Variants in GSN observed in about 807,000 individuals in gnomAD.
GSN encodes actin-depolymerizing factor.
GSN carries 56 observed loss-of-function variants against 85.7 expected under a neutral mutation model. The observed-to-expected ratio is 0.65, with a 90% CI of 0.53 to 0.82. The LOEUF (loss-of-function observed/expected upper bound fraction) is 0.82. Among genes scored for constraint, GSN ranks in the 40% least tolerant of loss-of-function variants. The pLI, the probability that GSN is intolerant of heterozygous loss-of-function variation, is 0.00. For missense variants in GSN, 857 were observed against 979.8 expected (o/e 0.87, Z 1.67); for synonymous variants, 373 against 399.1 (o/e 0.93, Z 0.78).
Position 121,317,130 on chromosome 9 carries a change from T to A in GSN, c.798T>A (p.Asp266Glu). The change falls in exon 8 of 18, where the codon GAT (aspartate) becomes GAA (glutamate). Residue 266 changes from aspartate (D) to glutamate (E), a missense_variant. Coordinates refer to ENST00000432226, the MANE Select transcript of GSN (RefSeq NM_198252.3). ...CCATGTCCGTCTCCCTCGTGGCTGA[T>A]GAGAACCCCTTCGCCCAGGGGGCCC... The part of the protein sequence containing the change: ...AGTMSVSLVA[D>E]ENPFAQGALK... 1.2e-6 allele frequency: 2 copies of A among 1,613,812 alleles called. No individual in the cohort carries two copies. The highest frequency in any genetic ancestry group is 8.5e-7 in the Non-Finnish European group (1 of 1,179,690).
In GSN at chr9:121,282,239, C is replaced by T; in HGVS notation, c.-10+677C>T. ...GATGGGTGCCTTGGTCTCCCCCTAC[C>T]CACCTAACAAAGCTGCTGTGTGGAC... On this transcript the variant is annotated intron_variant, in intron 2 of 17. Coordinates refer to ENST00000432226, the MANE Select transcript of GSN (RefSeq NM_198252.3). The T allele has an allele frequency of 5.1e-6, 3 of 587,228 alleles. No individual in the cohort carries two copies. In the South Asian group the frequency reaches 6.1e-5, roughly 12 times the overall value. 36.4% of individuals were successfully genotyped at this position (587,228 alleles called of 1,614,324 possible). A position where few individuals can be genotyped will look rare whatever the true frequency, so the allele number is the denominator to read the frequency against.
chr9:121,286,205 G>T (rs1346650741), intron 2 of GSN: 1 of 1,485,846 alleles, frequency 6.7e-7, no homozygotes, highest in Admixed American at 2.0e-5. Flanking sequence ...ACGGGATCTG[G>T]GGTGGTCCCC....
intron 1 of GSN, among the ~76,000 whole-genome samples, chr9:121,269,847 C>T (rs1392578462): frequency 6.6e-6 from 1 of 152,198 alleles, no homozygotes; most frequent in African/African-American, 2.4e-5. Context: ...GCAGGGTTTG[C>T]CCCGCATGGC....
chr9:121,299,239 C>T lies in GSN; in HGVS notation c.-9-2724C>T, dbSNP rs574850291. ...CCAGGAGCTGAGCGTTCTGCCCCGC[C>T]CCTCTGAGTCCTGCCGGCTTCACCT... On this transcript the variant is annotated intron_variant, in intron 2 of 17. Transcript: ENST00000432226. The surrounding 1 kb of genome is among the most constrained non-coding windows in gnomAD (Gnocchi z 4.2). 96 of 926,576 alleles carry T rather than the reference C, an allele frequency of 1.0e-4. No homozygotes were observed. In the Middle Eastern group the frequency reaches 2.2e-3, roughly 21 times the overall value. The allele number at this position is 926,576 out of a possible 1,614,324, so 57.4% of individuals were successfully genotyped here.
upstream of GSN, among the ~76,000 whole-genome samples, chr9:121,264,207 A>C (rs980462708): frequency 5.3e-5 from 8 of 152,208 alleles, no homozygotes; most frequent in Admixed American, 5.2e-4. Context: ...TAATCCCAGC[A>C]CTTTCAAAGG....
At chr9:121,298,823 G>A (rs2059460354) in intron 2 of GSN, among the ~76,000 whole-genome samples, 1 of 152,126 alleles carries the variant, frequency 6.6e-6, no homozygotes, top group Admixed American at 6.5e-5. Context: ...TGGAGTAGGT[G>A]GGAAGTAGGC....
intron 1 of GSN, among the ~76,000 whole-genome samples, chr9:121,278,051 C>CTT (rs796956623): frequency 2.1e-5 from 3 of 142,440 alleles, no homozygotes; most frequent in Non-Finnish European, 1.5e-5. Context: ...TTTGCATGTT[C>CTT]TTTTTTTTTT....
chr9:121,321,259 C>T lies in GSN; in HGVS notation c.1192-9C>T. On this transcript the variant is annotated splice_polypyrimidine_tract_variant and intron_variant, in intron 10 of 17. Transcript: ENST00000432226. ...TGCACAGCATCTGACTCCAGCTTTG[C>T]TCCTGCAGATCTGGAGAATCGAAGG... The T allele has an allele frequency of 6.2e-7, 1 of 1,613,918 alleles. No homozygotes were observed. The highest frequency in any genetic ancestry group is 8.5e-7 in the Non-Finnish European group (1 of 1,179,950).
chr9:121,237,328 G>T (rs748086881), intron 5 of GSN, among the ~76,000 whole-genome samples: 5 of 152,160 alleles, frequency 3.3e-5, no homozygotes, highest in Non-Finnish European at 7.3e-5. Flanking sequence ...TTGGGAGGCC[G>T]AGGAGGGAGG....
intron 1 of GSN, among the ~76,000 whole-genome samples, chr9:121,279,667 G>C (rs1178471960): frequency 6.6e-6 from 1 of 152,112 alleles, no homozygotes; most frequent in Non-Finnish European, 1.5e-5. Flanking sequence ...GAGATGAGGT[G>C]CAGTAGGGGA....
intron 2 of GSN, among the ~76,000 whole-genome samples, chr9:121,301,638 A>G (rs866796303): frequency 4.7e-5 from 7 of 148,868 alleles, no homozygotes; most frequent in Admixed American, 1.3e-4. Flanking sequence ...AAAAAAAAAA[A>G]AAAAAAGAAA....
At chr9:121,321,608 G>A (rs950905649) in intron 11 of GSN, among the ~76,000 whole-genome samples, 2 of 152,162 alleles carry the variant, frequency 1.3e-5, no homozygotes, top group Admixed American at 6.5e-5. Context: ...TCTATTGTAG[G>A]ATATAGTGAA....
chr9:121,248,414 T>TCCTTCACTTCCCTTC (rs2054746838), intron 6 of GSN: 1 of 152,382 alleles, frequency 6.6e-6, no homozygotes, highest in Non-Finnish European at 1.5e-5. Context: ...TCCCTTCCCT[T>TCCTTCACTTCCCTTC]CCTTCACTTC....
At chr9:121,279,077 C>G (rs2057019050) in intron 1 of GSN, among the ~76,000 whole-genome samples, 2 of 152,174 alleles carry the variant, frequency 1.3e-5, no homozygotes. Context: ...GGGAGGCTGA[C>G]TTGCAAATAG....
In GSN at chr9:121,321,366, C is replaced by T; in HGVS notation, c.1290C>T (p.Arg430=). The part of the protein sequence containing the change: ...GDSYIILYNY[R]HGGRQGQIIY... ...GCTACATCATTCTGTACAACTACCGCCATGGTGGCCGCCAGGGGCAGATAA... is the reference window on the plus strand; with the variant it reads ...GCTACATCATTCTGTACAACTACCGTCATGGTGGCCGCCAGGGGCAGATAA... The change falls in exon 11 of 18, where the codon CGC becomes CGT. Residue 430 remains arginine, a synonymous_variant. Coordinates refer to ENST00000432226, the MANE Select transcript of GSN (RefSeq NM_198252.3). The T allele has an allele frequency of 6.2e-7, 1 of 1,614,090 alleles. No homozygotes were observed. The highest frequency in any genetic ancestry group is 2.2e-5 in the East Asian group (1 of 44,870).
At chr9:121,259,787 G>T (rs1295437499) in intron 6 of GSN, among the ~76,000 whole-genome samples, 1 of 152,234 alleles carries the variant, frequency 6.6e-6, no homozygotes, top group Non-Finnish European at 1.5e-5. Context: ...TGCATCTGCT[G>T]TATTAATATT....
intron 5 of GSN, among the ~76,000 whole-genome samples, chr9:121,242,424 G>C (rs1241300826): frequency 1.3e-5 from 2 of 152,120 alleles, no homozygotes; most frequent in Non-Finnish European, 2.9e-5. Context: ...GTGACTCACA[G>C]AGTTCGGCTG....
chr9:121,330,045 A>G (rs1011064255), intron 16 of GSN, among the ~76,000 whole-genome samples: 8 of 152,208 alleles, frequency 5.3e-5, no homozygotes, highest in African/African-American at 1.9e-4. Context: ...CGGAATCCCC[A>G]GTTGGAAGAT....
intron 2 of GSN, among the ~76,000 whole-genome samples, chr9:121,288,594 G>A (rs2058376791): frequency 1.3e-5 from 2 of 152,136 alleles, no homozygotes; most frequent in African/African-American, 2.4e-5. Flanking sequence ...CTGAAGAAAC[G>A]GGCACTGAGA....
Sources: allele counts gnomAD v4.1 joint callset (sites outside exome capture counted in the v4.1 genomes callset), GRCh38; gene constraint gnomAD v4.1.1; non-coding constraint Gnocchi (gnomAD v3.1); transcripts MANE v1.5; gene names NCBI Gene and HGNC (gene_info 2026-07-23, HGNC 2026-07-21).